The following RHOBTB3 variants were observed in gnomAD, a reference collection of about 807,000 sequenced individuals.
The protein encoded by RHOBTB3 is Rho related BTB domain containing 3.
In RHOBTB3, 47 loss-of-function variants were observed where a neutral mutation model predicts 67.2. The ratio of observed to expected loss-of-function variants is 0.70; its 90% CI spans 0.55 to 0.89. The LOEUF (loss-of-function observed/expected upper bound fraction) is 0.89, where lower values mean the gene tolerates loss of function less well. Ranked by LOEUF, RHOBTB3 falls within the 40% of genes least tolerant of loss-of-function variation. The pLI is 0.00. For missense variants in RHOBTB3, 631 were observed against 750.0 expected (o/e 0.84, Z 1.85); for synonymous variants, 273 against 274.2 (o/e 1.00, Z 0.04).
At chr5:95,749,834 C>A (rs1305577545) in intron 4 of RHOBTB3, among the ~76,000 whole-genome samples, 1 of 152,180 alleles carries the variant, frequency 6.6e-6, no homozygotes, top group Admixed American at 6.5e-5. Context: ...GTTCTAGGAT[C>A]CTGAACCTGA....
chr5:95,770,384 A>C (rs942680164), intron 8 of RHOBTB3: 5 of 231,142 alleles, frequency 2.2e-5, no homozygotes, highest in African/African-American at 1.2e-4. Context: ...ACTAATAAAA[A>C]TAAAAAATTG....
Position 95,793,570 on chromosome 5 carries a change from C to A in RHOBTB3, c.*396C>A. Reference sequence around the variant, plus strand: ...ATTAAAATAAGGGGCATTTAAAGACCCAGCATAACCATTTGTATAATGAGA... The same window carrying A: ...ATTAAAATAAGGGGCATTTAAAGACACAGCATAACCATTTGTATAATGAGA... On this transcript the variant is annotated 3_prime_UTR_variant, in exon 12 of 12. Transcript: ENST00000379982. 6.1e-6 allele frequency: 1 copy of A among 164,148 alleles called. No homozygotes were observed. Among genetic ancestry groups the A allele is most frequent in the East Asian group, 1.8e-4 (1 of 5,606 alleles). 10.2% of individuals were successfully genotyped at this position (164,148 alleles called of 1,614,324 possible). A position where few individuals can be genotyped will look rare whatever the true frequency, so the allele number is the denominator to read the frequency against.
intron 3 of RHOBTB3, among the ~76,000 whole-genome samples, chr5:95,743,215 A>G (rs1399960925): frequency 1.3e-5 from 2 of 152,176 alleles, no homozygotes; most frequent in Non-Finnish European, 2.9e-5. Flanking sequence ...ATTTTATGGT[A>G]TGGATACTTC....
intron 8 of RHOBTB3, chr5:95,770,145 A>G: frequency 3.7e-6 from 1 of 273,312 alleles, no homozygotes; most frequent in Non-Finnish European, 7.6e-6. Context: ...GAGCAGTTAG[A>G]TATCACAGCT....
At chr5:95,775,120 C>T (rs566175150) in intron 8 of RHOBTB3, among the ~76,000 whole-genome samples, 15 of 152,208 alleles carry the variant, frequency 9.9e-5, no homozygotes, top group African/African-American at 3.4e-4. Context: ...TTCAGAATGG[C>T]ACAATCATAA....
In RHOBTB3 at chr5:95,731,905, C is replaced by G. The variant is rs771439160; in HGVS notation, c.49C>G (p.Gln17Glu). The change falls in exon 2 of 12, where the codon CAG becomes GAG. Residue 17 changes from glutamine (Q) to glutamate (E), a missense_variant. Transcript: ENST00000379982. ...GGGGAACGAGGGGGACACATTCCAC[C>G]AGGACAACCGGCCGTCGGGGCTTAT... ...ALGNEGDTFH[Q>E]DNRPSGLIRT... The G allele has an allele frequency of 6.2e-6, 10 of 1,614,088 alleles. No individual in the cohort carries two copies. In the Admixed American group the frequency reaches 1.5e-4, roughly 24 times the overall value.
rs1017694994 is a variant in RHOBTB3 at position 95,732,508 on chromosome 5, C to G, written c.228+424C>G. The G allele has an allele frequency of 1.1e-5, 3 of 278,534 alleles. No homozygotes were observed. In the East Asian group the frequency reaches 2.0e-4, roughly 19 times the overall value. The allele number at this position is 278,534 out of a possible 1,614,324, so 17.3% of individuals were successfully genotyped here. A position where few individuals can be genotyped will look rare whatever the true frequency, so the allele number is the denominator to read the frequency against. On this transcript the variant is annotated intron_variant, in intron 2 of 11. Coordinates refer to ENST00000379982, the MANE Select transcript of RHOBTB3 (RefSeq NM_014899.4). ...TCAAAGCTCAACACAGGCAAAAATA[C>G]TTTTCACTGGGACAGTTCAGAAATA...
rs1448006700 is a variant in RHOBTB3 at position 95,776,373 on chromosome 5, C to T, written c.1283-3879C>T. On this transcript the variant is annotated intron_variant, in intron 8 of 11. Coordinates refer to ENST00000379982, the MANE Select transcript of RHOBTB3 (RefSeq NM_014899.4). ...TGTGAGCTAAGATCATACCACTTTA[C>T]TCTAGCCGGAAGACAGAGTGAGACT... Among the ~76,000 whole-genome samples, 4 of 151,810 alleles carry T rather than the reference C, an allele frequency of 2.6e-5. No homozygotes were observed. The East Asian group carries it at 7.7e-4, about 29-fold the overall frequency.
At chr5:95,718,034 G>A (rs1734282013) in intron 1 of RHOBTB3, among the ~76,000 whole-genome samples, 1 of 152,164 alleles carries the variant, frequency 6.6e-6, no homozygotes, top group African/African-American at 2.4e-5. Flanking sequence ...TAATTTTCCA[G>A]GTGAGCAATT....
chr5:95,759,906 C>T lies in RHOBTB3; in HGVS notation c.1049-3602C>T, dbSNP rs80331643. Among the ~76,000 whole-genome samples the T allele has an allele frequency of 8.0e-3, 1,199 of 149,748 alleles. 17 individuals carry two copies. The highest frequency in any genetic ancestry group is 0.028 in the African/African-American group (1,142 of 40,864). The stretch of plus-strand genomic sequence containing the variant: ...CAGGAATATTTGCCTTGAGCAAACA[C>T]GGGCTAGAGAGTTATAATAAGCCTA... On this transcript the variant is annotated intron_variant, in intron 6 of 11. Transcript: ENST00000379982.
chr5:95,772,263 C>T (rs769924458), intron 8 of RHOBTB3, among the ~76,000 whole-genome samples: 1 of 152,132 alleles, frequency 6.6e-6, no homozygotes, highest in Non-Finnish European at 1.5e-5. Context: ...GGTGTTTGAT[C>T]CAGGGCCTGG....
intron 8 of RHOBTB3, among the ~76,000 whole-genome samples, chr5:95,772,794 C>T (rs916453496): frequency 1.3e-5 from 2 of 152,174 alleles, no homozygotes; most frequent in African/African-American, 4.8e-5. Flanking sequence ...ACTTGGGAAT[C>T]CACCACTGAA....
At chr5:95,743,402 A>G (rs1200703287) in intron 3 of RHOBTB3, among the ~76,000 whole-genome samples, 1 of 151,862 alleles carries the variant, frequency 6.6e-6, no homozygotes. Flanking sequence ...ATCCCCAGTC[A>G]TTTGCCTTTG....
intron 7 of RHOBTB3, 77 bp downstream of exon 7, chr5:95,763,697 G>A: frequency 3.6e-6 from 3 of 832,058 alleles, no homozygotes; most frequent in South Asian, 3.1e-5. Flanking sequence ...ATATAAAATT[G>A]AGTCGTTAGA....
At chr5:95,727,905 A>AG (rs764089692), upstream of RHOBTB3, among the ~76,000 whole-genome samples, 4 of 152,218 alleles carry the variant, frequency 2.6e-5, no homozygotes, top group African/African-American at 9.6e-5. Flanking sequence ...GCATTCTGTG[A>AG]GGAGGCTCTG....
In RHOBTB3 at chr5:95,788,788, C is replaced by T; in HGVS notation, c.1650C>T (p.Thr550=). 6.3e-7 allele frequency: 1 copy of T among 1,589,128 alleles called. No individual in the cohort carries two copies. The highest frequency in any genetic ancestry group is 1.2e-5 in the South Asian group (1 of 85,400). ...TTCACCACTCTGATTGCCTTTCAAC[C>T]TGGCTACTTCATTTCATTGCTACTA... The part of the protein sequence containing the change: ...AKFHHSDCLS[T]WLLHFIATNY... The change falls in exon 11 of 12, where the codon ACC becomes ACT. Residue 550 remains threonine, a synonymous_variant. Transcript: ENST00000379982.
upstream of RHOBTB3, chr5:95,731,235 CG>C: frequency 9.9e-7 from 1 of 1,005,430 alleles, no homozygotes; most frequent in South Asian, 4.2e-5. Flanking sequence ...GCCCGACCCC[CG>C]GGGCTGGCAC....
At position 95,795,912 on chromosome 5, in the gene RHOBTB3, AT is replaced by A. The variant is rs1746550738; in HGVS notation, c.*2739del. 6.6e-6 allele frequency: 1 copy of A among 152,122 alleles called. No homozygotes were observed. The highest frequency in any genetic ancestry group is 2.1e-4 in the South Asian group (1 of 4,830). 9.4% of individuals were successfully genotyped at this position (152,122 alleles called of 1,614,324 possible). ...TCATTTTAATTAGAGAAGATACTCTATGGTAGAACTAAGGCCTTTCCTTTCT... is the reference window on the plus strand; with the variant it reads ...TCATTTTAATTAGAGAAGATACTCTAGGTAGAACTAAGGCCTTTCCTTTCT... On this transcript the variant is annotated 3_prime_UTR_variant, in exon 12 of 12. Transcript: ENST00000379982.
At chr5:95,769,118 G>A (rs1363427405) in intron 8 of RHOBTB3, 1 of 370,686 alleles carries the variant, frequency 2.7e-6, no homozygotes, top group Non-Finnish European at 5.3e-6. Context: ...ATTCTTCAAG[G>A]TGTCGACCTT....
Sources: allele counts gnomAD v4.1 joint callset (sites outside exome capture counted in the v4.1 genomes callset), GRCh38; gene constraint gnomAD v4.1.1; transcripts MANE v1.5; gene names NCBI Gene and HGNC (gene_info 2026-07-23, HGNC 2026-07-21).